The following ANO10 variants were observed in gnomAD, a reference collection of about 807,000 sequenced individuals.
ANO10 encodes the protein anoctamin 10, also known as anoctamin-10.
A neutral mutation model predicts 74.7 loss-of-function variants in ANO10; 77 were observed. The observed-to-expected ratio is 1.03, with a 90% CI of 0.86 to 1.25. The LOEUF is 1.25. Ranked by LOEUF, ANO10 falls within the 50% of genes most tolerant of loss-of-function variation. The pLI is 0.00. For synonymous variants in ANO10, 279 were observed against 284.9 expected (o/e 0.98, Z 0.21); for missense variants, 721 against 778.1 (o/e 0.93, Z 0.87).
chr3:43,485,026 C>T (rs2076415461), intron 11 of ANO10: 5 of 1,457,478 alleles, frequency 3.4e-6, no homozygotes, highest in East Asian at 4.8e-5. Flanking sequence ...GCTGACGGCT[C>T]AGGACCCGGT....
chr3:43,544,948 T>C (rs569997355), intron 11 of ANO10, among the ~76,000 whole-genome samples: 22 of 152,312 alleles, frequency 1.4e-4, no homozygotes, highest in Non-Finnish European at 2.9e-4. Context: ...CTTTATAAAA[T>C]TGTTACATTT....
At chr3:43,508,741 C>T (rs1485880678) in intron 11 of ANO10, among the ~76,000 whole-genome samples, 2 of 146,854 alleles carry the variant, frequency 1.4e-5, no homozygotes, top group Non-Finnish European at 3.0e-5. Context: ...GGGAATTGAA[C>T]AATGAGAACA....
chr3:43,656,741 C>T (rs2149571108), intron 1 of ANO10, among the ~76,000 whole-genome samples: 1 of 152,370 alleles, frequency 6.6e-6, no homozygotes, highest in Non-Finnish European at 1.5e-5. Context: ...GCCAAGCCCA[C>T]GCCCACCTGG....
intron 11 of ANO10, among the ~76,000 whole-genome samples, chr3:43,450,088 T>C (rs186995996): frequency 3.9e-5 from 6 of 152,372 alleles, no homozygotes; most frequent in African/African-American, 1.4e-4. Flanking sequence ...AAATGTTCAC[T>C]GCAGGTATAT....
intron 1 of ANO10, among the ~76,000 whole-genome samples, chr3:43,655,125 C>A (rs1033121401): frequency 6.6e-6 from 1 of 152,294 alleles, no homozygotes; most frequent in African/African-American, 2.4e-5. Flanking sequence ...AGGGAAATTT[C>A]TTTTAATGTC....
At position 43,401,252 on chromosome 3, in the gene ANO10, G is replaced by A. The variant is rs138411035; in HGVS notation, c.1914+31359C>T. Reference sequence around the variant, plus strand: ...TAGGGTGATGTACCAGAAACCAGCAGCAAACCCACACTTTCTGTCATGTGA... The same window carrying A: ...TAGGGTGATGTACCAGAAACCAGCAACAAACCCACACTTTCTGTCATGTGA... On this transcript the variant is annotated intron_variant, in intron 12 of 12. Transcript: ENST00000292246. 7.6e-4 allele frequency among the ~76,000 whole-genome samples: 116 copies of A among 152,288 alleles called. 3 individuals are homozygous for A. The East Asian group carries it at 0.021, about 28-fold the overall frequency.
intron 11 of ANO10, among the ~76,000 whole-genome samples, chr3:43,489,470 A>C (rs1476298754): frequency 6.6e-6 from 1 of 152,152 alleles, no homozygotes; most frequent in African/African-American, 2.4e-5. Context: ...GTACACGTTA[A>C]ATAAATCCGC....
chr3:43,493,014 A>G (rs554621990), intron 11 of ANO10, among the ~76,000 whole-genome samples: 1 of 152,362 alleles, frequency 6.6e-6, no homozygotes, highest in South Asian at 2.1e-4. Flanking sequence ...ACTATTCACA[A>G]TAGCAAAGAC....
At chr3:43,471,295 T>C (rs1460745728) in intron 11 of ANO10, among the ~76,000 whole-genome samples, 1 of 152,240 alleles carries the variant, frequency 6.6e-6, no homozygotes, top group Non-Finnish European at 1.5e-5. Flanking sequence ...AAAAGATTTA[T>C]TTTTTCCTTA....
intron 12 of ANO10, 83 bp downstream of exon 12, chr3:43,432,528 A>T (rs2092998466): frequency 3.2e-6 from 4 of 1,255,424 alleles, no homozygotes; most frequent in Non-Finnish European, 3.5e-6. Flanking sequence ...AGGCTGAAAA[A>T]AATGCTGAGA....
At chr3:43,660,823 G>A (rs2083917328) in intron 1 of ANO10, among the ~76,000 whole-genome samples, 1 of 152,118 alleles carries the variant, frequency 6.6e-6, no homozygotes, top group South Asian at 2.1e-4. Flanking sequence ...GCGTGGTGGT[G>A]CATGCCTGTA....
rs1361032261 is a variant in ANO10 at position 43,432,595 on chromosome 3, G to C, written c.1914+16C>G. ...TGCTAAAGCAATACATACATTTTCAGGACAGCTGCTCTCACCTGCTGCTTG... is the reference window on the plus strand; with the variant it reads ...TGCTAAAGCAATACATACATTTTCACGACAGCTGCTCTCACCTGCTGCTTG... On this transcript the variant is annotated intron_variant, in intron 12 of 12. Coordinates refer to ENST00000292246, the MANE Select transcript of ANO10 (RefSeq NM_018075.5). The C allele has an allele frequency of 6.4e-7, 1 of 1,557,266 alleles. No homozygotes were observed. Among genetic ancestry groups the C allele is most frequent in the South Asian group, 1.1e-5 (1 of 89,946 alleles).
rs532536210 is a variant in ANO10, at chr3:43,429,118, T to C, written c.1914+3493A>G. 7.2e-5 allele frequency among the ~76,000 whole-genome samples: 11 copies of C among 152,196 alleles called. No individual in the cohort carries two copies. In the South Asian group the frequency reaches 2.1e-3, roughly 29 times the overall value. ...TGACTTGAGAGGTCATTTAGCCATA[T>C]CCATAGTAAACACATATCCATGACA... On this transcript the variant is annotated intron_variant, in intron 12 of 12. Transcript: ENST00000292246.
intron 11 of ANO10, among the ~76,000 whole-genome samples, chr3:43,532,006 C>T (rs540373712): frequency 7.2e-4 from 109 of 152,232 alleles, no homozygotes; most frequent in African/African-American, 7.9e-4. Flanking sequence ...TCAGTCACCC[C>T]GTCCACATTG....
intron 11 of ANO10, among the ~76,000 whole-genome samples, chr3:43,540,757 G>A (rs909634634): frequency 2.6e-5 from 4 of 152,232 alleles, no homozygotes; most frequent in Non-Finnish European, 4.4e-5. Context: ...GGAATGGAGA[G>A]AGCTGGGTTA....
chr3:43,542,226 T>C (rs1320388439), intron 11 of ANO10, among the ~76,000 whole-genome samples: 1 of 152,106 alleles, frequency 6.6e-6, no homozygotes, highest in African/African-American at 2.4e-5. Context: ...GAACATGAAC[T>C]CAGTGACAAG....
At chr3:43,622,278 C>A (rs1186671292), upstream of ANO10, among the ~76,000 whole-genome samples, 1 of 152,112 alleles carries the variant, frequency 6.6e-6, no homozygotes, top group Non-Finnish European at 1.5e-5. Flanking sequence ...AAGGGAGGGG[C>A]GTGCCTAACG....
chr3:43,682,876 A>G (rs1012696003), intron 1 of ANO10, among the ~76,000 whole-genome samples: 6 of 152,204 alleles, frequency 3.9e-5, no homozygotes, highest in Admixed American at 3.9e-4. Context: ...GACAAAATTC[A>G]ACAACACTTC....
chr3:43,540,622 T>C (rs1003445815), intron 11 of ANO10, among the ~76,000 whole-genome samples: 1 of 152,142 alleles, frequency 6.6e-6, no homozygotes, highest in African/African-American at 2.4e-5. Context: ...CATAAACAGA[T>C]TTGGGAACAA....
Sources: gnomAD v4.1 joint callset for allele counts (sites outside exome capture counted in the v4.1 genomes callset) on GRCh38, gnomAD v4.1.1 for gene constraint, MANE v1.5 for transcripts, NCBI Gene and HGNC (gene_info 2026-07-23, HGNC 2026-07-21) for gene names.